Variants in ATP5F1A observed in about 807,000 individuals in gnomAD.
ATP5F1A encodes ATP synthase F1 subunit alpha, also known as ATP synthase F(1) complex subunit alpha, mitochondrial.
A neutral mutation model predicts 57.4 loss-of-function variants in ATP5F1A; 24 were observed. That is an observed-to-expected ratio of 0.42 (90% CI 0.30 to 0.59). The LOEUF is 0.59. Ranked by LOEUF, ATP5F1A falls within the 20% of genes least tolerant of loss-of-function variation. The probability of loss-of-function intolerance (pLI) is 0.19; values close to 1 mark genes in which losing one functional copy is unlikely to be tolerated. For missense variants in ATP5F1A, 494 were observed against 707.9 expected, an observed-to-expected ratio of 0.70 and a Z score of 3.43; for synonymous variants, 251 against 255.5, an observed-to-expected ratio of 0.98 and a Z score of 0.17.
chr18:46,090,092 G>GGGGGGGGGGA, intron 3 of ATP5F1A, 96 bp from the exon 4 acceptor site: 2 of 512,012 alleles, frequency 3.9e-6, no homozygotes, highest in South Asian at 2.9e-5. Context: ...GGGTGGGGGG[G>GGGGGGGGGGA]GAAGCAGTAT....
rs1909743210 is a variant in ATP5F1A at position 46,081,660 on chromosome 18, C to CAAAAAACAAAAACAAA, written c.*2621_*2622insTTTGTTTTTGTTTTTT. 1 of 73,974 alleles carries CAAAAAACAAAAACAAA rather than the reference C, an allele frequency of 1.4e-5. No homozygotes were observed. The highest frequency in any genetic ancestry group is 2.5e-5 in the Non-Finnish European group (1 of 40,016). 4.6% of individuals were successfully genotyped at this position (73,974 alleles called of 1,614,324 possible). On this transcript the variant is annotated 3_prime_UTR_variant, in exon 12 of 12. Coordinates refer to ENST00000398752, the MANE Select transcript of ATP5F1A (RefSeq NM_004046.6). ...GCCTGGGCAACAAGAGCAAAACTCT[C>CAAAAAACAAAAACAAA]AAAAAAAAAAAACAAAAAAAAAAAA...
At chr18:46,100,266 A>AG (rs1414248632), upstream of ATP5F1A, among the ~76,000 whole-genome samples, 1 of 150,948 alleles carries the variant, frequency 6.6e-6, no homozygotes, top group Non-Finnish European at 1.5e-5. Context: ...AAAAAAAAAA[A>AG]AAAAAAGAAA....
intron 2 of ATP5F1A, 117 bp downstream of exon 2, chr18:46,094,936 C>G: frequency 7.5e-7 from 1 of 1,337,248 alleles, no homozygotes; most frequent in Non-Finnish European, 9.7e-7. Flanking sequence ...ACCTGAGAGT[C>G]TATACAAACT....
chr18:46,091,315 C>T (rs186102449), intron 3 of ATP5F1A, among the ~76,000 whole-genome samples: 247 of 152,324 alleles, frequency 1.6e-3, no homozygotes, highest in Non-Finnish European at 3.0e-3. Context: ...TACAAAGTCA[C>T]GGACTTCCAA....
In ATP5F1A at chr18:46,084,846, C is replaced by T. The variant is rs975110889; in HGVS notation, c.1430-192G>A. 5.6e-6 allele frequency: 3 copies of T among 537,482 alleles called. No individual in the cohort carries two copies. The African/African-American group carries it at 5.9e-5, about 11-fold the overall frequency. 33.3% of individuals were successfully genotyped at this position (537,482 alleles called of 1,614,324 possible). A position where few individuals can be genotyped will look rare whatever the true frequency, so the allele number is the denominator to read the frequency against. On this transcript the variant is annotated intron_variant, in intron 10 of 11. Transcript: ENST00000398752. ...CACCCCTGACAGAAAACAGTTATTT[C>T]TTATATTTTCAAGGCTTGAGGCATA... is the stretch of plus-strand genomic sequence containing the variant.
At chr18:46,093,454 A>C (rs1910710147) in intron 2 of ATP5F1A, 1 of 151,440 alleles carries the variant, frequency 6.6e-6, no homozygotes, top group African/African-American at 2.4e-5. Flanking sequence ...GGAGAGAATC[A>C]CTCAAACCCA....
chr18:46,094,355 C>T (rs1322676343), intron 2 of ATP5F1A, among the ~76,000 whole-genome samples: 1 of 152,086 alleles, frequency 6.6e-6, no homozygotes, highest in East Asian at 1.9e-4. Flanking sequence ...TATCTAGTAG[C>T]TACTGCCTTT....
intron 3 of ATP5F1A, among the ~76,000 whole-genome samples, chr18:46,090,603 AAT>A (rs1051853123): frequency 2.0e-5 from 3 of 152,342 alleles, no homozygotes; most frequent in African/African-American, 7.2e-5. Flanking sequence ...CTATTCCAGG[AAT>A]AGTCTGGTCA....
Position 46,089,634 on chromosome 18 carries a change from C to T in ATP5F1A, c.582G>A (p.Lys194=), listed in dbSNP as rs1910399555. ...CAATTGGCACCAAGCTATCCACAGC[C>T]TTAATGCCAGTCTGCATTGGTTCCC... ...SVREPMQTGI[K]AVDSLVPIGR... is the part of the protein sequence containing the mutation. The change falls in exon 5 of 12, where the codon AAG becomes AAA. Residue 194 remains lysine (K), a synonymous_variant. Transcript: ENST00000398752. 6.2e-7 allele frequency: 1 copy of T among 1,614,200 alleles called. No homozygotes were observed. The highest frequency in any genetic ancestry group is 8.5e-7 in the Non-Finnish European group (1 of 1,180,014).
At position 46,081,402 on chromosome 18, in the gene ATP5F1A, G is replaced by A. The variant is rs1909730516; in HGVS notation, c.*2880C>T. 1 of 151,850 alleles carries A rather than the reference G, an allele frequency of 6.6e-6. No individual in the cohort carries two copies. The highest frequency in any genetic ancestry group is 1.5e-5 in the Non-Finnish European group (1 of 68,024). The allele number at this position is 151,850 out of a possible 1,614,324, so 9.4% of individuals were successfully genotyped here. A position where few individuals can be genotyped will look rare whatever the true frequency, so the allele number is the denominator to read the frequency against. ...AATGCTCCAACAAGCCGGGCGCAGT[G>A]GCTCACCCCTGTAATCCCAGTACTT... On this transcript the variant is annotated 3_prime_UTR_variant, in exon 12 of 12. Coordinates refer to ENST00000398752, the MANE Select transcript of ATP5F1A (RefSeq NM_004046.6).
At position 46,084,314 on chromosome 18, in the gene ATP5F1A, C is replaced by G. The variant is rs748134201; in HGVS notation, c.1630G>C (p.Val544Leu). The change falls in exon 12 of 12, where the codon GTA becomes CTA. Residue 544 changes from valine to leucine, a missense_variant. Transcript: ENST00000398752. ...EQSDAKLKEI[V>L]TNFLAGFEA ...TCAAATCCAGCCAAGAAATTTGTTACAATCTCTTTCAGCTTTGCATCTGAT... is the reference window on the plus strand; with the variant it reads ...TCAAATCCAGCCAAGAAATTTGTTAGAATCTCTTTCAGCTTTGCATCTGAT... 1 of 1,613,148 alleles carries G rather than the reference C, an allele frequency of 6.2e-7. No individual in the cohort carries two copies. The highest frequency in any genetic ancestry group is 8.5e-7 in the Non-Finnish European group (1 of 1,179,940).
In ATP5F1A at chr18:46,089,547, T is replaced by C. The variant is rs1239910234; in HGVS notation, c.650+19A>G. On this transcript the variant is annotated intron_variant, in intron 5 of 11. Coordinates refer to ENST00000398752, the MANE Select transcript of ATP5F1A (RefSeq NM_004046.6). ...AGCAAATTTTAGTTAGAACTTTTAATATGCTTTTGAGTCTTTACCCAGTCT... is the reference window on the plus strand; with the variant it reads ...AGCAAATTTTAGTTAGAACTTTTAACATGCTTTTGAGTCTTTACCCAGTCT... The C allele has an allele frequency of 4.3e-6, 7 of 1,610,364 alleles. No homozygotes were observed. In the Admixed American group the frequency reaches 6.8e-5, roughly 16 times the overall value.
In ATP5F1A at chr18:46,087,047, A is replaced by G. The variant is rs1599771036; in HGVS notation, c.1137T>C (p.Ala379=). 1 of 1,614,122 alleles carries G rather than the reference A, an allele frequency of 6.2e-7. No homozygotes were observed. The highest frequency in any genetic ancestry group is 1.3e-5 in the African/African-American group (1 of 75,060). The change falls in exon 8 of 12, where the codon GCT becomes GCC. Residue 379 remains alanine, a synonymous_variant. Coordinates refer to ENST00000398752, the MANE Select transcript of ATP5F1A (RefSeq NM_004046.6). Reference sequence around the variant, plus strand: ...TGGAAATGACATTTGTTGGAATGTAAGCAGACACATCACCAGCCTGTGTTT... The same window carrying G: ...TGGAAATGACATTTGTTGGAATGTAGGCAGACACATCACCAGCCTGTGTTT... The part of the protein sequence containing the change: ...VIETQAGDVS[A]YIPTNVISIT...
In ATP5F1A at chr18:46,098,164, G is replaced by T; in HGVS notation, c.60+8C>A. ...GCCGCCTGCATCATGCCGGCCTTCG[G>T]TGCTCACCAGTCCGGCCCGCCGAGG... On this transcript the variant is annotated splice_region_variant and intron_variant, in intron 1 of 11. Transcript: ENST00000398752. 6.2e-7 allele frequency: 1 copy of T among 1,602,008 alleles called. No individual in the cohort carries two copies. The highest frequency in any genetic ancestry group is 8.5e-7 in the Non-Finnish European group (1 of 1,177,700).
At chr18:46,101,458 A>C (rs1230412334), upstream of ATP5F1A, among the ~76,000 whole-genome samples, 1 of 152,012 alleles carries the variant, frequency 6.6e-6, no homozygotes. Context: ...CCAGCTACTC[A>C]GGAGGCTGAG....
At chr18:46,103,516 G>T (rs1361064322) in intron 1 of ATP5F1A, among the ~76,000 whole-genome samples, 2 of 147,216 alleles carry the variant, frequency 1.4e-5, no homozygotes, top group East Asian at 2.0e-4. Flanking sequence ...CAGGAGAATC[G>T]CTTGAACCCG....
At chr18:46,084,466 A>G (rs372574926) in intron 11 of ATP5F1A, 38 bp downstream of exon 11, 5 of 1,576,840 alleles carry the variant, frequency 3.2e-6, no homozygotes, top group Admixed American at 3.9e-5. Context: ...TATCTTAAAC[A>G]TAACTTTAAA....
At chr18:46,097,726 T>G (rs758848459) in intron 1 of ATP5F1A, 16 of 748,908 alleles carry the variant, frequency 2.1e-5, no homozygotes, top group Non-Finnish European at 2.5e-5. Flanking sequence ...CTGGGCCTGC[T>G]GACCTTCACA....
chr18:46,097,584 G>A (rs377442698), intron 1 of ATP5F1A, among the ~76,000 whole-genome samples: 6 of 152,280 alleles, frequency 3.9e-5, no homozygotes, highest in African/African-American at 1.4e-4. Context: ...ACATGAAATG[G>A]TTCTTTGCAC....
Sources: gnomAD v4.1 joint callset for allele counts (sites outside exome capture counted in the v4.1 genomes callset) on GRCh38, gnomAD v4.1.1 for gene constraint, MANE v1.5 for transcripts, NCBI Gene and HGNC (gene_info 2026-07-23, HGNC 2026-07-21) for gene names.